Variants in MLF2 observed in about 807,000 individuals in gnomAD.
MLF2 encodes the protein myeloid leukemia factor 2.
MLF2 carries 12 observed loss-of-function variants against 31.4 expected under a neutral mutation model. That is an observed-to-expected ratio of 0.38 (90% confidence interval 0.24 to 0.62). MLF2 has a LOEUF of 0.62. MLF2 is among the 20% of genes least tolerant of loss of function. MLF2 has a pLI of 0.58. For missense variants in MLF2, 272 were observed against 359.7 expected, an observed-to-expected ratio of 0.76 and a Z score of 1.97; for synonymous variants, 109 against 118.8, an observed-to-expected ratio of 0.92 and a Z score of 0.54.
intron 4 of MLF2, chr12:6,751,271 G>A (rs1425124502): frequency 3.8e-6 from 1 of 265,618 alleles, no homozygotes. Context: ...AGGCTGGAGG[G>A]CAGTGGCGCA....
rs754355643 is a variant in MLF2 at position 6,751,984 on chromosome 12, G to A, written c.121C>T (p.Leu41Phe). 1 of 1,614,248 alleles carries A rather than the reference G, an allele frequency of 6.2e-7. No homozygotes were observed. The highest frequency in any genetic ancestry group is 8.5e-7 in the Non-Finnish European group (1 of 1,180,044). ...LSGGFGYSPF[L>F]SITDGNMPGT... ...GGCATGTTGCCATCTGTGATGCTGAGGAAGGGGCTATATCCAAAGCCACCT... is the reference window on the plus strand; with the variant it reads ...GGCATGTTGCCATCTGTGATGCTGAAGAAGGGGCTATATCCAAAGCCACCT... Residue 41 changes from leucine (L) to phenylalanine (F), a missense_variant, in exon 3 of 9, where the codon CTC becomes TTC. Coordinates refer to ENST00000203630, the MANE Select transcript of MLF2 (RefSeq NM_001382226.1).
At position 6,752,266 on chromosome 12, in the gene MLF2, A is replaced by AG. The variant is rs754132734; in HGVS notation, c.50+18dup. 15 of 1,558,750 alleles carry AG rather than the reference A, an allele frequency of 9.6e-6. No individual in the cohort carries two copies. The highest frequency in any genetic ancestry group is 2.7e-5 in the African/African-American group (2 of 73,420). On this transcript the variant is annotated intron_variant, in intron 2 of 8. Transcript: ENST00000203630. The surrounding 1 kb of genome is among the most constrained non-coding windows in gnomAD (Gnocchi z 4.6). Reference sequence around the variant, plus strand: ...CAGAGACCTGGAGTGGGAGAGCTTGAGGGGGAGGGAATACTCACATCAGGA... The same window carrying AG: ...CAGAGACCTGGAGTGGGAGAGCTTGAGGGGGGAGGGAATACTCACATCAGGA...
rs1941629661 is a variant in MLF2 at position 6,752,350 on chromosome 12, A to G, written c.-16T>C. The G allele has an allele frequency of 1.3e-6, 2 of 1,556,454 alleles. No homozygotes were observed. Among genetic ancestry groups the G allele is most frequent in the Non-Finnish European group, 1.7e-6 (2 of 1,149,344 alleles). On this transcript the variant is annotated 5_prime_UTR_variant, in exon 2 of 9. Transcript: ENST00000203630. This position sits in a 1 kb window ranked among gnomAD's most constrained non-coding sequence, Gnocchi z 4.6. ...AGCGGAACATCCTGATCTCAGCTCCAGGGGGCTCCACACTGGAAAGATATG... is the reference window on the plus strand; with the variant it reads ...AGCGGAACATCCTGATCTCAGCTCCGGGGGGCTCCACACTGGAAAGATATG...
rs754760446 is a variant in MLF2, at chr12:6,748,973, G to A, written c.569C>T (p.Ala190Val). The A allele has an allele frequency of 8.8e-6, 14 of 1,596,872 alleles. No homozygotes were observed. Among genetic ancestry groups the A allele is most frequent in the Non-Finnish European group, 1.2e-5 (14 of 1,172,748 alleles). The change falls in exon 8 of 9, where the codon GCA (alanine) becomes GTA (valine). Residue 190 changes from alanine (A) to valine (V), a missense_variant. Physicochemically the swap from Ala to Val is moderately conservative, Grantham distance 64. Coordinates refer to ENST00000203630, the MANE Select transcript of MLF2 (RefSeq NM_001382226.1). This position sits in a 1 kb window ranked among gnomAD's most constrained non-coding sequence, Gnocchi z 4.6. Reference sequence around the variant, plus strand: ...CCGCCGCCACTCGTCATCAAACGCTGCGGCCTCACCTGGAAAGGACAGAGC... The same window carrying A: ...CCGCCGCCACTCGTCATCAAACGCTACGGCCTCACCTGGAAAGGACAGAGC... ...DYINLDESEAAAFDDEWRRET... is the reference protein window; with the variant it reads ...DYINLDESEAVAFDDEWRRET...
Position 6,750,579 on chromosome 12 carries a change from C to G in MLF2, c.270+134G>C. 2.7e-6 allele frequency: 3 copies of G among 1,118,034 alleles called. No individual in the cohort carries two copies. Among genetic ancestry groups the G allele is most frequent in the South Asian group, 1.4e-5 (1 of 70,316 alleles). The allele number at this position is 1,118,034 out of a possible 1,614,324, so 69.3% of individuals were successfully genotyped here. A position where few individuals can be genotyped will look rare whatever the true frequency, so the allele number is the denominator to read the frequency against. ...TGACAGCAGGTACAGGGTCCCAAGGCTCTCTGGTTCAATTACTTTATCCAG... is the reference window on the plus strand; with the variant it reads ...TGACAGCAGGTACAGGGTCCCAAGGGTCTCTGGTTCAATTACTTTATCCAG... On this transcript the variant is annotated intron_variant, in intron 5 of 8. Transcript: ENST00000203630. The surrounding 1 kb of genome is among the most constrained non-coding windows in gnomAD (Gnocchi z 5.3).
In MLF2 at chr12:6,753,097, C is replaced by G. The variant is rs1347444484; in HGVS notation, c.-187G>C. 1.0e-5 allele frequency: 4 copies of G among 392,448 alleles called. No homozygotes were observed. The highest frequency in any genetic ancestry group is 3.6e-5 in the East Asian group (1 of 27,826). 24.3% of individuals were successfully genotyped at this position (392,448 alleles called of 1,614,324 possible). A position where few individuals can be genotyped will look rare whatever the true frequency, so the allele number is the denominator to read the frequency against. Reference sequence around the variant, plus strand: ...CACAGCTGCCACCTCCGTACGGCCCCCTCGGCCAACGGAGCCCGAACCTCG... The same window carrying G: ...CACAGCTGCCACCTCCGTACGGCCCGCTCGGCCAACGGAGCCCGAACCTCG... On this transcript the variant is annotated 5_prime_UTR_variant, in exon 1 of 9. Coordinates refer to ENST00000203630, the MANE Select transcript of MLF2 (RefSeq NM_001382226.1).
At position 6,750,300 on chromosome 12, in the gene MLF2, G is replaced by A; in HGVS notation, c.276C>T (p.His92=). The change falls in exon 6 of 9, where the codon CAC becomes CAT. Residue 92 remains histidine, a synonymous_variant. Coordinates refer to ENST00000203630, the MANE Select transcript of MLF2 (RefSeq NM_001382226.1). The surrounding 1 kb of genome is among the most constrained non-coding windows in gnomAD (Gnocchi z 5.3). ...MMNDMIGNME[H]MTAGGNCQTF... is the part of the protein sequence containing the mutation. ...TCTGGCAATTGCCTCCAGCTGTCAT[G>A]TGTTCCTGAGGACAGGGTAGGTAGG... The A allele has an allele frequency of 6.2e-7, 1 of 1,614,080 alleles. No homozygotes were observed. The highest frequency in any genetic ancestry group is 8.5e-7 in the Non-Finnish European group (1 of 1,179,972).
chr12:6,751,755 A>AT (rs1941618778), intron 3 of MLF2, 79 bp from the exon 4 acceptor site: 5 of 1,581,148 alleles, frequency 3.2e-6, no homozygotes, highest in Admixed American at 1.7e-5. Context: ...CATGGCCTCA[A>AT]TTTTTTTCCA....
chr12:6,750,147 T>C lies in MLF2; in HGVS notation c.399+30A>G. 1 of 1,614,038 alleles carries C rather than the reference T, an allele frequency of 6.2e-7. No individual in the cohort carries two copies. Among genetic ancestry groups the C allele is most frequent in the East Asian group, 2.2e-5 (1 of 44,888 alleles). ...CTGGCGGTGCCGCTCAATCCTACCT[T>C]CTCTGGGACAGGAGGGCTCCCCAAC... On this transcript the variant is annotated intron_variant, in intron 6 of 8. Transcript: ENST00000203630. This position sits in a 1 kb window ranked among gnomAD's most constrained non-coding sequence, Gnocchi z 5.3.
In MLF2 at chr12:6,749,751, T is replaced by A; in HGVS notation, c.559+97A>T. 6.9e-7 allele frequency: 1 copy of A among 1,448,424 alleles called. No homozygotes were observed. Among genetic ancestry groups the A allele is most frequent in the Non-Finnish European group, 9.4e-7 (1 of 1,062,336 alleles). The allele number at this position is 1,448,424 out of a possible 1,614,324, so 89.7% of individuals were successfully genotyped here. A position where few individuals can be genotyped will look rare whatever the true frequency, so the allele number is the denominator to read the frequency against. On this transcript the variant is annotated intron_variant, in intron 7 of 8. Coordinates refer to ENST00000203630, the MANE Select transcript of MLF2 (RefSeq NM_001382226.1). This position sits in a 1 kb window ranked among gnomAD's most constrained non-coding sequence, Gnocchi z 5.3. ...AAAAAAAAAAAAAGGAATATGGGGCTGACCCAGAGCTTTGCCCCAGAAGTG... is the reference window on the plus strand; with the variant it reads ...AAAAAAAAAAAAAGGAATATGGGGCAGACCCAGAGCTTTGCCCCAGAAGTG...
chr12:6,750,224 G>A lies in MLF2; in HGVS notation c.352C>T (p.Pro118Ser). 1 of 1,614,132 alleles carries A rather than the reference G, an allele frequency of 6.2e-7. No homozygotes were observed. Among genetic ancestry groups the A allele is most frequent in the South Asian group, 1.1e-5 (1 of 91,082 alleles). The change falls in exon 6 of 9, where the codon CCC (proline) becomes TCC (serine). Residue 118 changes from proline (P) to serine (S), a missense_variant. Physicochemically the swap from Pro to Ser is moderately conservative, Grantham distance 74. Transcript: ENST00000203630. This position sits in a 1 kb window ranked among gnomAD's most constrained non-coding sequence, Gnocchi z 5.3. ...TCTGATGTCTCTTGGTAGACCTTGG[G>A]GGCACCATCACCCGTATTGGAGTAG... ...ISYSNTGDGA[P>S]KVYQETSEMR...
chr12:6,748,882 C>T lies in MLF2; in HGVS notation c.660G>A (p.Gly220=). The T allele has an allele frequency of 6.2e-7, 1 of 1,600,538 alleles. No individual in the cohort carries two copies. Among genetic ancestry groups the T allele is most frequent in the East Asian group, 2.3e-5 (1 of 43,646 alleles). The change falls in exon 8 of 9, where the codon GGG becomes GGA. Residue 220 remains glycine (G), a synonymous_variant. Transcript: ENST00000203630. This position sits in a 1 kb window ranked among gnomAD's most constrained non-coding sequence, Gnocchi z 4.6. ...EFRRLESSGA[G]GRRAEGPPRL... is the part of the protein sequence containing the mutation. ...GGGGAGGCCCCTCCGCCCTTCGTCC[C>T]CCAGCCCCTGAGGACTCAAGCCGCC...
rs533929015 is a variant in MLF2, at chr12:6,752,577, C to G, written c.-28-215G>C. ...TTAGGGCCATGGAAAATTTTTCCAA[C>G]CCTCTCGGTTTTTCCCTCCCCCACT... is the stretch of plus-strand genomic sequence containing the variant. On this transcript the variant is annotated intron_variant, in intron 1 of 8. Coordinates refer to ENST00000203630, the MANE Select transcript of MLF2 (RefSeq NM_001382226.1). This position sits in a 1 kb window ranked among gnomAD's most constrained non-coding sequence, Gnocchi z 4.6. 4.1e-6 allele frequency: 2 copies of G among 483,990 alleles called. No individual in the cohort carries two copies. The highest frequency in any genetic ancestry group is 7.4e-6 in the Non-Finnish European group (2 of 269,366). The allele number at this position is 483,990 out of a possible 1,614,324, so 30.0% of individuals were successfully genotyped here. A position where few individuals can be genotyped will look rare whatever the true frequency, so the allele number is the denominator to read the frequency against.
rs974351113 is a variant in MLF2, at chr12:6,753,118, C to G, written c.-208G>C. ...GCCCCCTCGGCCAACGGAGCCCGAA[C>G]CTCGGCCAGGCCCGGGCGGAAGTGA... On this transcript the variant is annotated 5_prime_UTR_variant, in exon 1 of 9. Transcript: ENST00000203630. 1 of 394,258 alleles carries G rather than the reference C, an allele frequency of 2.5e-6. No homozygotes were observed. The allele number at this position is 394,258 out of a possible 1,614,324, so 24.4% of individuals were successfully genotyped here.
At position 6,753,092 on chromosome 12, in the gene MLF2, G is replaced by C. The variant is rs953130785; in HGVS notation, c.-182C>G. 2.6e-6 allele frequency: 1 copy of C among 390,448 alleles called. No homozygotes were observed. Among genetic ancestry groups the C allele is most frequent in the Non-Finnish European group, 4.5e-6 (1 of 221,366 alleles). The allele number at this position is 390,448 out of a possible 1,614,324, so 24.2% of individuals were successfully genotyped here. On this transcript the variant is annotated 5_prime_UTR_variant, in exon 1 of 9. Coordinates refer to ENST00000203630, the MANE Select transcript of MLF2 (RefSeq NM_001382226.1). ...CCTCCCACAGCTGCCACCTCCGTAC[G>C]GCCCCCTCGGCCAACGGAGCCCGAA...
chr12:6,751,871 C>A lies in MLF2; in HGVS notation c.180+54G>T, dbSNP rs987509997. 3.7e-6 allele frequency: 6 copies of A among 1,607,186 alleles called. No individual in the cohort carries two copies. In the Admixed American group the frequency reaches 1.0e-4, roughly 27 times the overall value. ...GTAGTGCAAGAAAATTAAGTGCTTT[C>A]CTAACTAACCTCCAACCTTTCTTTG... On this transcript the variant is annotated intron_variant, in intron 3 of 8. Transcript: ENST00000203630.
Position 6,752,244 on chromosome 12 carries a change from A to G in MLF2, c.50+41T>C, listed in dbSNP as rs1297654218. Reference sequence around the variant, plus strand: ...CCCGATGTCTGCCTGAACTGCTCAGAGACCTGGAGTGGGAGAGCTTGAGGG... The same window carrying G: ...CCCGATGTCTGCCTGAACTGCTCAGGGACCTGGAGTGGGAGAGCTTGAGGG... On this transcript the variant is annotated intron_variant, in intron 2 of 8. Coordinates refer to ENST00000203630, the MANE Select transcript of MLF2 (RefSeq NM_001382226.1). The surrounding 1 kb of genome is among the most constrained non-coding windows in gnomAD (Gnocchi z 4.6). 4 of 1,555,764 alleles carry G rather than the reference A, an allele frequency of 2.6e-6. No individual in the cohort carries two copies. The highest frequency in any genetic ancestry group is 2.6e-6 in the Non-Finnish European group (3 of 1,148,214).
In MLF2 at chr12:6,752,378, A is replaced by C; in HGVS notation, c.-28-16T>G. The C allele has an allele frequency of 1.3e-6, 2 of 1,548,958 alleles. No homozygotes were observed. The highest frequency in any genetic ancestry group is 1.7e-6 in the Non-Finnish European group (2 of 1,144,114). ...GGGCTCCACACTGGAAAGATATGGAAGCTCAGATACTTGGAGGTGGCCAGG... is the reference window on the plus strand; with the variant it reads ...GGGCTCCACACTGGAAAGATATGGACGCTCAGATACTTGGAGGTGGCCAGG... On this transcript the variant is annotated splice_polypyrimidine_tract_variant and intron_variant, in intron 1 of 8. Coordinates refer to ENST00000203630, the MANE Select transcript of MLF2 (RefSeq NM_001382226.1). This position sits in a 1 kb window ranked among gnomAD's most constrained non-coding sequence, Gnocchi z 4.6.
chr12:6,750,014 T>G lies in MLF2; in HGVS notation c.400-7A>C, dbSNP rs780885743. On this transcript the variant is annotated splice_region_variant and splice_polypyrimidine_tract_variant and intron_variant, in intron 6 of 8. Coordinates refer to ENST00000203630, the MANE Select transcript of MLF2 (RefSeq NM_001382226.1). This position sits in a 1 kb window ranked among gnomAD's most constrained non-coding sequence, Gnocchi z 5.3. The stretch of plus-strand genomic sequence containing the variant: ...TCCTCCGTGTCTCCCGGATCTGGGA[T>G]GAGGCAGAACGTGGCACACTCAGCC... 3 of 1,614,110 alleles carry G rather than the reference T, an allele frequency of 1.9e-6. No homozygotes were observed. Among genetic ancestry groups the G allele is most frequent in the Non-Finnish European group, 2.5e-6 (3 of 1,180,002 alleles).
Sources: allele counts gnomAD v4.1 joint callset, GRCh38; gene constraint gnomAD v4.1.1; non-coding constraint Gnocchi (gnomAD v3.1); transcripts MANE v1.5; gene names NCBI Gene and HGNC (gene_info 2026-07-23, HGNC 2026-07-21).